Variants in AOPEP observed in about 807,000 individuals in gnomAD.
AOPEP encodes aminopeptidase O.
AOPEP carries 77 observed loss-of-function variants against 98.1 expected under a neutral mutation model. The observed-to-expected ratio is 0.78, with a 90% CI of 0.65 to 0.95. The LOEUF (loss-of-function observed/expected upper bound fraction) is 0.95, where lower values mean the gene tolerates loss of function less well. AOPEP is among the 40% of genes least tolerant of loss of function. The pLI is 0.00. For synonymous variants in AOPEP, 346 were observed against 365.3 expected (o/e 0.95, Z 0.60); for missense variants, 1,024 against 1,024.7 (o/e 1.00, Z 0.01).
At chr9:94,795,098 TATTCCC>T (rs1336814440) in intron 4 of AOPEP, among the ~76,000 whole-genome samples, 1 of 152,198 alleles carries the variant, frequency 6.6e-6, no homozygotes, top group Non-Finnish European at 1.5e-5. Flanking sequence ...GATAGATTAT[TATTCCC>T]ATTTTATAGA....
the AOPEP span, chr9:95,114,327 C>A: frequency 7.5e-6 from 3 of 400,434 alleles, no homozygotes; most frequent in South Asian, 6.5e-5. Context: ...TTTTCCAAGG[C>A]CTCTTCTTTT....
intron 5 of AOPEP, among the ~76,000 whole-genome samples, chr9:94,864,060 A>C (rs2045426126): frequency 6.6e-6 from 1 of 152,200 alleles, no homozygotes; most frequent in Non-Finnish European, 1.5e-5. Flanking sequence ...GCCAATTTGG[A>C]TGAAATAAGG....
the AOPEP span, among the ~76,000 whole-genome samples, chr9:95,098,273 C>T: frequency 1.3e-5 from 2 of 152,242 alleles, no homozygotes; most frequent in East Asian, 3.9e-4. Context: ...TGTCAAGACC[C>T]CATTCGTAAC....
intron 5 of AOPEP, among the ~76,000 whole-genome samples, chr9:94,808,364 A>C (rs1177987598): frequency 6.6e-6 from 1 of 152,206 alleles, no homozygotes; most frequent in Non-Finnish European, 1.5e-5. Context: ...AGAGAAGTTT[A>C]ACATTATTAT....
chr9:95,098,571 A>AG, the AOPEP span, among the ~76,000 whole-genome samples: 1 of 151,974 alleles, frequency 6.6e-6, no homozygotes, highest in African/African-American at 2.4e-5. Flanking sequence ...ACCCCACTGC[A>AG]GTGGGGGTCC....
chr9:94,978,004 C>T (rs1395997966), intron 10 of AOPEP, among the ~76,000 whole-genome samples: 1 of 152,112 alleles, frequency 6.6e-6, no homozygotes, highest in Admixed American at 6.5e-5. Context: ...AGTGAGCGAC[C>T]AATAGGGGGA....
At chr9:94,933,808 C>T (rs763958800) in intron 7 of AOPEP, 12 of 349,850 alleles carry the variant, frequency 3.4e-5, no homozygotes, top group Non-Finnish European at 4.8e-5. Flanking sequence ...AGTGCAGTGG[C>T]GCAATCTCAG....
chr9:94,973,995 C>T (rs2059686730), intron 10 of AOPEP, among the ~76,000 whole-genome samples: 1 of 152,200 alleles, frequency 6.6e-6, no homozygotes, highest in Non-Finnish European at 1.5e-5. Context: ...AATTCACCTG[C>T]AGTGTCATTT....
chr9:94,922,252 T>C (rs1311940942), intron 5 of AOPEP, among the ~76,000 whole-genome samples: 1 of 152,236 alleles, frequency 6.6e-6, no homozygotes, highest in Non-Finnish European at 1.5e-5. Flanking sequence ...GGAGGCTTTT[T>C]CTTCATGAAT....
chr9:94,924,459 G>A (rs1247197457), intron 6 of AOPEP, among the ~76,000 whole-genome samples: 3 of 152,186 alleles, frequency 2.0e-5, no homozygotes, highest in African/African-American at 7.2e-5. Context: ...ATTTTAGAAG[G>A]TAGTAAGAGA....
intron 14 of AOPEP, among the ~76,000 whole-genome samples, chr9:95,064,732 G>A (rs1345096922): frequency 6.6e-6 from 1 of 152,232 alleles, no homozygotes; most frequent in Non-Finnish European, 1.5e-5. Context: ...GTCCAAAGGT[G>A]GAAGTTGTGA....
chr9:95,081,018 C>T (rs2069693186), intron 15 of AOPEP: 1 of 520,604 alleles, frequency 1.9e-6, no homozygotes, highest in African/African-American at 1.9e-5. Context: ...CACACGTCAT[C>T]CGATGCTGCG....
the AOPEP span, chr9:95,099,514 A>T: frequency 4.4e-6 from 1 of 228,458 alleles, no homozygotes; most frequent in Non-Finnish European, 8.7e-6. Flanking sequence ...AGGCAACAAG[A>T]GGGGGAGGTG....
chr9:95,062,692 C>G (rs932809401), intron 14 of AOPEP, among the ~76,000 whole-genome samples: 3 of 152,214 alleles, frequency 2.0e-5, no homozygotes, highest in African/African-American at 7.2e-5. Flanking sequence ...AGCATCTGAT[C>G]TGTTGGTCTG....
At chr9:94,732,117 G>A (rs560978335) in intron 1 of AOPEP, among the ~76,000 whole-genome samples, 5 of 151,858 alleles carry the variant, frequency 3.3e-5, no homozygotes, top group East Asian at 1.9e-4. Context: ...TTCCATATTC[G>A]TTTTTAACAT....
the AOPEP span, among the ~76,000 whole-genome samples, chr9:95,116,100 AAAG>A: frequency 1.3e-5 from 2 of 152,252 alleles, no homozygotes; most frequent in Non-Finnish European, 2.9e-5. Flanking sequence ...ACACAAACGG[AAAG>A]GTAAAGGGTT....
chr9:94,731,244 T>C (rs1429455344), intron 1 of AOPEP, among the ~76,000 whole-genome samples: 1 of 152,182 alleles, frequency 6.6e-6, no homozygotes, highest in Admixed American at 6.5e-5. Flanking sequence ...TTTTTTTTTT[T>C]TGAGACGGAG....
chr9:94,839,423 C>T (rs1017102325), intron 5 of AOPEP, among the ~76,000 whole-genome samples: 2 of 152,098 alleles, frequency 1.3e-5, no homozygotes, highest in African/African-American at 2.4e-5. Context: ...TGGGGTTTCA[C>T]TATGTTGGCC....
At chr9:94,925,493 C>A (rs945831433) in intron 6 of AOPEP, among the ~76,000 whole-genome samples, 1 of 152,266 alleles carries the variant, frequency 6.6e-6, no homozygotes, top group Non-Finnish European at 1.5e-5. Flanking sequence ...GATTACCCGG[C>A]TCACAATTCA....
Sources: gnomAD v4.1 joint callset for allele counts (sites outside exome capture counted in the v4.1 genomes callset) on GRCh38, gnomAD v4.1.1 for gene constraint, MANE v1.5 for transcripts, NCBI Gene and HGNC (gene_info 2026-07-23, HGNC 2026-07-21) for gene names.